The following DCBLD1 variants were observed in gnomAD, a reference collection of about 807,000 sequenced individuals.
DCBLD1 encodes the protein discoidin, CUB and LCCL domain-containing protein 1.
Under a neutral mutation model 71.5 loss-of-function variants are expected in DCBLD1, and 57 were observed. The ratio of observed to expected loss-of-function variants is 0.80; its 90% CI spans 0.64 to 0.99. The LOEUF (loss-of-function observed/expected upper bound fraction) is 0.99. DCBLD1 is among the 50% of genes least tolerant of loss of function. The pLI is 0.00. For missense variants in DCBLD1, 891 were observed against 923.5 expected (o/e 0.96, Z 0.46); for synonymous variants, 380 against 363.8 (o/e 1.04, Z -0.51).
At chr6:117,508,444 A>T (rs1222354976) in intron 2 of DCBLD1, among the ~76,000 whole-genome samples, 2 of 152,212 alleles carry the variant, frequency 1.3e-5, no homozygotes, top group Non-Finnish European at 2.9e-5. Context: ...TGTCACACTA[A>T]TATACACAAA....
chr6:117,548,587 G>A lies in DCBLD1; in HGVS notation c.*148G>A. The A allele has an allele frequency of 1.4e-6, 2 of 1,454,278 alleles. No individual in the cohort carries two copies. Among genetic ancestry groups the A allele is most frequent in the Non-Finnish European group, 1.8e-6 (2 of 1,108,472 alleles). The allele number at this position is 1,454,278 out of a possible 1,614,324, so 90.1% of individuals were successfully genotyped here. The stretch of plus-strand genomic sequence containing the variant: ...GTGTGTGATCCAGTAGGATCCTAGA[G>A]ACAACCTGTCATACTGTTTACAAAA... On this transcript the variant is annotated 3_prime_UTR_variant, in exon 15 of 15. Coordinates refer to ENST00000338728, the MANE Select transcript of DCBLD1 (RefSeq NM_001366458.2).
rs73766233 is a variant in DCBLD1 at position 117,542,785 on chromosome 6, C to A, written c.1358-339C>A. On this transcript the variant is annotated intron_variant, in intron 11 of 14. Coordinates refer to ENST00000338728, the MANE Select transcript of DCBLD1 (RefSeq NM_001366458.2). ...AAATCATTTACCTGTCTAAATAGTT[C>A]TCACCTGAGGGGTGGGGGAGGGGTT... is the stretch of plus-strand genomic sequence containing the variant. 1.0e-3 allele frequency among the ~76,000 whole-genome samples: 151 copies of A among 151,398 alleles called. 1 individual carries two copies. The highest frequency in any genetic ancestry group is 3.4e-3 in the Middle Eastern group (1 of 292).
At chr6:117,517,337 A>G (rs2114478275) in intron 2 of DCBLD1, among the ~76,000 whole-genome samples, 1 of 152,348 alleles carries the variant, frequency 6.6e-6, no homozygotes, top group South Asian at 2.1e-4. Flanking sequence ...CTGATGCAAG[A>G]GGTGAGTTCC....
Position 117,503,604 on chromosome 6 carries a change from A to G in DCBLD1, c.113-163A>G, listed in dbSNP as rs1485047385. On this transcript the variant is annotated intron_variant, in intron 1 of 14. Transcript: ENST00000338728. ...ACAAGAGATGAAATAACCTGAAACA[A>G]TAGATATTGTTTAATAATTCAGTCT... is the stretch of plus-strand genomic sequence containing the variant. 3 of 669,240 alleles carry G rather than the reference A, an allele frequency of 4.5e-6. No individual in the cohort carries two copies. In the African/African-American group the frequency reaches 5.4e-5, roughly 12 times the overall value. 41.5% of individuals were successfully genotyped at this position (669,240 alleles called of 1,614,324 possible).
At chr6:117,554,305 G>C (rs1044495985), downstream of DCBLD1, among the ~76,000 whole-genome samples, 1 of 152,192 alleles carries the variant, frequency 6.6e-6, no homozygotes, top group Admixed American at 6.5e-5. Flanking sequence ...ACCTTAGCAT[G>C]ATGCTGGCTT....
At chr6:117,529,880 G>A (rs1778658624) in intron 5 of DCBLD1, among the ~76,000 whole-genome samples, 1 of 152,120 alleles carries the variant, frequency 6.6e-6, no homozygotes, top group Non-Finnish European at 1.5e-5. Flanking sequence ...TATAAAAAAG[G>A]TATTCACCAT....
chr6:117,553,927 T>C (rs1779463251), downstream of DCBLD1, among the ~76,000 whole-genome samples: 1 of 152,212 alleles, frequency 6.6e-6, no homozygotes, highest in African/African-American at 2.4e-5. Flanking sequence ...ACTTACTTTC[T>C]ATGACTCCAT....
At chr6:117,523,880 A>G (rs1470309839) in intron 4 of DCBLD1, among the ~76,000 whole-genome samples, 1 of 152,234 alleles carries the variant, frequency 6.6e-6, no homozygotes, top group Non-Finnish European at 1.5e-5. Context: ...AGTGGTGTCT[A>G]TATAGAAGTA....
chr6:117,557,095 C>G (rs996453647), intron 14 of DCBLD1, among the ~76,000 whole-genome samples: 1 of 151,976 alleles, frequency 6.6e-6, no homozygotes, highest in East Asian at 1.9e-4. Flanking sequence ...AACCAAATGC[C>G]CTCTTAAAAC....
At chr6:117,533,183 A>G (rs1269616065) in intron 6 of DCBLD1, among the ~76,000 whole-genome samples, 1 of 152,180 alleles carries the variant, frequency 6.6e-6, no homozygotes, top group African/African-American at 2.4e-5. Flanking sequence ...TGCCTTCTGC[A>G]ACTGTTTTTT....
chr6:117,516,321 A>G (rs1427261874), intron 2 of DCBLD1, among the ~76,000 whole-genome samples: 1 of 151,644 alleles, frequency 6.6e-6, no homozygotes, highest in South Asian at 2.1e-4. Flanking sequence ...AGATCATGCC[A>G]CTGCACTCCA....
chr6:117,537,461 G>C (rs1331598322), intron 7 of DCBLD1, among the ~76,000 whole-genome samples: 1 of 151,308 alleles, frequency 6.6e-6, no homozygotes, highest in Non-Finnish European at 1.5e-5. Context: ...GTGAACCCGG[G>C]AGGCGGAGCT....
At chr6:117,500,169 T>G (rs1294150713) in intron 1 of DCBLD1, among the ~76,000 whole-genome samples, 1 of 152,228 alleles carries the variant, frequency 6.6e-6, no homozygotes, top group East Asian at 1.9e-4. Context: ...TCACCCAAAC[T>G]GTGGAAGCAC....
At chr6:117,499,653 A>G (rs760427722) in intron 1 of DCBLD1, among the ~76,000 whole-genome samples, 5 of 152,186 alleles carry the variant, frequency 3.3e-5, no homozygotes, top group Non-Finnish European at 7.3e-5. Flanking sequence ...CCTCAATTAT[A>G]ACATCTTTGC....
At chr6:117,487,257 G>T (rs80013613) in intron 1 of DCBLD1, among the ~76,000 whole-genome samples, 71 of 152,120 alleles carry the variant, frequency 4.7e-4, no homozygotes, top group Middle Eastern at 3.4e-3. Context: ...ATAGGGGATG[G>T]GTGCTTAGTG....
At chr6:117,552,827 C>T (rs1325854963), downstream of DCBLD1, among the ~76,000 whole-genome samples, 1 of 152,148 alleles carries the variant, frequency 6.6e-6, no homozygotes, top group African/African-American at 2.4e-5. Context: ...GCTCAAAACC[C>T]CCTGAGTTCT....
Position 117,549,076 on chromosome 6 carries a change from C to G in DCBLD1, c.*637C>G. 2.0e-6 allele frequency: 2 copies of G among 985,952 alleles called. No homozygotes were observed. Among genetic ancestry groups the G allele is most frequent in the Non-Finnish European group, 2.4e-6 (2 of 830,376 alleles). 61.1% of individuals were successfully genotyped at this position (985,952 alleles called of 1,614,324 possible). On this transcript the variant is annotated 3_prime_UTR_variant, in exon 15 of 15. Coordinates refer to ENST00000338728, the MANE Select transcript of DCBLD1 (RefSeq NM_001366458.2). ...GCAATTATGACTGTAGATTTAAAAACAAGCAAAGAAACAACACCTCAGCAG... is the reference window on the plus strand; with the variant it reads ...GCAATTATGACTGTAGATTTAAAAAGAAGCAAAGAAACAACACCTCAGCAG...
At chr6:117,505,074 T>C (rs1172289578) in intron 2 of DCBLD1, among the ~76,000 whole-genome samples, 1 of 152,154 alleles carries the variant, frequency 6.6e-6, no homozygotes, top group Non-Finnish European at 1.5e-5. Flanking sequence ...AGATCTAAGA[T>C]TGTTTTTTAA....
At chr6:117,510,134 G>A (rs932593594) in intron 2 of DCBLD1, among the ~76,000 whole-genome samples, 3 of 152,072 alleles carry the variant, frequency 2.0e-5, no homozygotes, top group Non-Finnish European at 4.4e-5. Context: ...AAACTTGCTA[G>A]CTTAGCGTTG....
Sources: allele counts gnomAD v4.1 joint callset (sites outside exome capture counted in the v4.1 genomes callset), GRCh38; gene constraint gnomAD v4.1.1; transcripts MANE v1.5; gene names NCBI Gene and HGNC (gene_info 2026-07-23, HGNC 2026-07-21).